The following TMPRSS15 variants were observed in gnomAD, a reference collection of about 807,000 sequenced individuals.
TMPRSS15 encodes enteropeptidase.
A neutral mutation model predicts 125.3 loss-of-function variants in TMPRSS15; 128 were observed. The observed-to-expected ratio is 1.02, with a 90% CI of 0.89 to 1.18. The LOEUF (loss-of-function observed/expected upper bound fraction) is 1.18, where lower values mean the gene tolerates loss of function less well. Among genes scored for constraint, TMPRSS15 ranks in the 50% most tolerant of loss-of-function variants. The pLI is 0.00. For missense variants in TMPRSS15, 1,283 were observed against 1,212.7 expected (o/e 1.06, Z -0.86); for synonymous variants, 446 against 423.2 (o/e 1.05, Z -0.66).
At chr21:18,371,951 A>C (rs1029136005) in intron 6 of TMPRSS15, among the ~76,000 whole-genome samples, 4 of 152,160 alleles carry the variant, frequency 2.6e-5, no homozygotes, top group Admixed American at 2.6e-4. Context: ...GATCAAATGG[A>C]ATTCTGTTTA....
intron 16 of TMPRSS15, among the ~76,000 whole-genome samples, chr21:18,319,422 ATTTTTTTTTTTTT>A (rs35796863): frequency 1.9e-5 from 2 of 105,310 alleles, no homozygotes; most frequent in Non-Finnish European, 3.8e-5. Context: ...TTCTTCACCG[ATTTTTTTTTTTTT>A]TTTTTTTTTT....
intron 22 of TMPRSS15, among the ~76,000 whole-genome samples, chr21:18,280,595 A>AAAAAAAAAC (rs57759464): frequency 7.9e-6 from 1 of 126,956 alleles, no homozygotes; most frequent in African/African-American, 2.8e-5. Context: ...AAAAAAAAAA[A>AAAAAAAAAC]CAACAAAACA....
At chr21:18,392,076 C>T (rs2075995549) in intron 3 of TMPRSS15, among the ~76,000 whole-genome samples, 1 of 152,174 alleles carries the variant, frequency 6.6e-6, no homozygotes, top group African/African-American at 2.4e-5. Flanking sequence ...CATTTTTCCT[C>T]CTAGGCCTCC....
intron 24 of TMPRSS15, among the ~76,000 whole-genome samples, chr21:18,273,320 G>A (rs1296014637): frequency 6.6e-6 from 1 of 152,148 alleles, no homozygotes; most frequent in Non-Finnish European, 1.5e-5. Flanking sequence ...TAATGTATCA[G>A]TAATAACGTG....
In TMPRSS15 at chr21:18,296,063, G is replaced by C. The variant is rs377662549; in HGVS notation, c.2262-1411C>G. On this transcript the variant is annotated intron_variant, in intron 19 of 24. Transcript: ENST00000284885. ...AGCTACTTGGGAGGCTGAGGCAGGA[G>C]AATGGTGGGAACTTGGGAGGTGGAG... 3.2e-3 allele frequency among the ~76,000 whole-genome samples: 490 copies of C among 152,300 alleles called. 5 individuals are homozygous for C. Among genetic ancestry groups the C allele is most frequent in the African/African-American group, 9.5e-3 (396 of 41,572 alleles).
intron 1 of TMPRSS15, among the ~76,000 whole-genome samples, chr21:18,474,132 G>A (rs997738051): frequency 2.6e-5 from 4 of 151,702 alleles, no homozygotes; most frequent in African/African-American, 9.7e-5. Flanking sequence ...ATCCATATAT[G>A]TTATATATAT....
Position 18,275,177 on chromosome 21 carries a change from G to T in TMPRSS15, c.2904+20C>A. 1.2e-6 allele frequency: 2 copies of T among 1,612,910 alleles called. No individual in the cohort carries two copies. Among genetic ancestry groups the T allele is most frequent in the South Asian group, 2.2e-5 (2 of 90,986 alleles). ...CCAGTGCTTTCTGAAAAGGTACAGTGAGCAGTTTTACATCTTTACCTGACA... is the reference window on the plus strand; with the variant it reads ...CCAGTGCTTTCTGAAAAGGTACAGTTAGCAGTTTTACATCTTTACCTGACA... On this transcript the variant is annotated intron_variant, in intron 24 of 24. Coordinates refer to ENST00000284885, the MANE Select transcript of TMPRSS15 (RefSeq NM_002772.3).
intron 21 of TMPRSS15, among the ~76,000 whole-genome samples, chr21:18,284,725 G>C (rs1027171889): frequency 1.3e-5 from 2 of 152,168 alleles, no homozygotes; most frequent in Non-Finnish European, 2.9e-5. Flanking sequence ...CAAAGATAGG[G>C]CATCTTCAGA....
chr21:18,436,339 T>A (rs915259788), intron 1 of TMPRSS15, among the ~76,000 whole-genome samples: 1 of 152,156 alleles, frequency 6.6e-6, no homozygotes, highest in Non-Finnish European at 1.5e-5. Context: ...GTGTTTTTGT[T>A]CTCATTGGTT....
At chr21:18,365,026 G>T in intron 7 of TMPRSS15, 114 bp downstream of exon 7, 1 of 862,688 alleles carries the variant, frequency 1.2e-6, no homozygotes, top group Admixed American at 2.1e-5. Flanking sequence ...GGAGGTTTTT[G>T]CTTCATAGTT....
At chr21:18,326,357 G>T in intron 16 of TMPRSS15, 75 bp downstream of exon 16, 2 of 1,556,608 alleles carry the variant, frequency 1.3e-6, no homozygotes, top group East Asian at 2.2e-5. Context: ...TCATGATTTT[G>T]GCCTTGAAAT....
At chr21:18,368,559 A>G (rs1371998754) in intron 6 of TMPRSS15, among the ~76,000 whole-genome samples, 1 of 152,230 alleles carries the variant, frequency 6.6e-6, no homozygotes, top group Non-Finnish European at 1.5e-5. Context: ...GGCATCCTGA[A>G]TGCCTAGAGC....
intron 21 of TMPRSS15, among the ~76,000 whole-genome samples, chr21:18,286,920 G>A (rs1465813103): frequency 6.6e-6 from 1 of 152,194 alleles, no homozygotes; most frequent in Non-Finnish European, 1.5e-5. Context: ...CAGAGCATCA[G>A]AGTTTGCTGT....
intron 15 of TMPRSS15, 111 bp downstream of exon 15, chr21:18,329,058 T>G: frequency 7.8e-7 from 1 of 1,290,132 alleles, no homozygotes; most frequent in Non-Finnish European, 1.1e-6. Flanking sequence ...ACTATTGTAT[T>G]TTCATTTTGC....
At chr21:18,276,477 T>A (rs2074621804) in intron 23 of TMPRSS15, among the ~76,000 whole-genome samples, 1 of 152,206 alleles carries the variant, frequency 6.6e-6, no homozygotes, top group Non-Finnish European at 1.5e-5. Context: ...AAATTTGGCA[T>A]CTCACTGTTA....
intron 3 of TMPRSS15, among the ~76,000 whole-genome samples, chr21:18,392,468 C>T (rs1028687988): frequency 2.0e-5 from 3 of 152,128 alleles, no homozygotes; most frequent in Admixed American, 2.0e-4. Flanking sequence ...CATCTGAGAT[C>T]ACCTCAACCT....
At chr21:18,335,233 A>C (rs2075380794) in intron 13 of TMPRSS15, among the ~76,000 whole-genome samples, 1 of 152,214 alleles carries the variant, frequency 6.6e-6, no homozygotes, top group African/African-American at 2.4e-5. Flanking sequence ...ACTGGGAAAA[A>C]TTAACTTCCT....
intron 6 of TMPRSS15, among the ~76,000 whole-genome samples, chr21:18,371,662 T>C (rs1445848125): frequency 6.6e-6 from 1 of 152,186 alleles, no homozygotes; most frequent in African/African-American, 2.4e-5. Flanking sequence ...TCATATCTTA[T>C]TTCTACTATT....
At chr21:18,374,798 T>C (rs895048276) in intron 5 of TMPRSS15, among the ~76,000 whole-genome samples, 2 of 152,074 alleles carry the variant, frequency 1.3e-5, no homozygotes, top group Admixed American at 1.3e-4. Flanking sequence ...GGGCTAGAAC[T>C]CTCACAATGG....
Sources: allele counts gnomAD v4.1 joint callset (sites outside exome capture counted in the v4.1 genomes callset), GRCh38; gene constraint gnomAD v4.1.1; transcripts MANE v1.5; gene names NCBI Gene and HGNC (gene_info 2026-07-23, HGNC 2026-07-21).